Variants in PCCA observed in about 807,000 individuals in gnomAD.
The protein encoded by PCCA is propionyl-CoA carboxylase subunit alpha, also known as propionyl-CoA carboxylase alpha chain, mitochondrial.
PCCA carries 74 observed loss-of-function variants against 101.3 expected under a neutral mutation model. The observed-to-expected ratio is 0.73, with a 90% CI of 0.61 to 0.89. PCCA has a LOEUF of 0.89. Among genes scored for constraint, PCCA ranks in the 40% least tolerant of loss-of-function variants. PCCA has a pLI of 0.00. For synonymous variants in PCCA, 294 were observed against 313.6 expected (o/e 0.94, Z 0.66); for missense variants, 891 against 907.0 (o/e 0.98, Z 0.23).
intron 8 of PCCA, among the ~76,000 whole-genome samples, chr13:100,248,051 A>G (rs574938751): frequency 6.6e-6 from 1 of 151,832 alleles, no homozygotes; most frequent in South Asian, 2.1e-4. Flanking sequence ...TATCTTTTTC[A>G]TCTGCCAGTG....
intron 4 of PCCA, among the ~76,000 whole-genome samples, chr13:100,113,215 G>A (rs1236239082): frequency 2.0e-5 from 3 of 152,158 alleles, no homozygotes; most frequent in Admixed American, 6.5e-5. Context: ...TGTGCAGCAC[G>A]TGACTGTACT....
At chr13:100,210,712 A>G (rs1008779441) in intron 7 of PCCA, among the ~76,000 whole-genome samples, 1 of 151,810 alleles carries the variant, frequency 6.6e-6, no homozygotes, top group Non-Finnish European at 1.5e-5. Flanking sequence ...TAACCTTGCG[A>G]TTTGACTTAG....
chr13:100,500,445 G>T (rs1413009311), intron 21 of PCCA, among the ~76,000 whole-genome samples: 2 of 152,068 alleles, frequency 1.3e-5, no homozygotes, highest in Non-Finnish European at 2.9e-5. Flanking sequence ...AAGTTACCTT[G>T]CTAAATTTTC....
chr13:100,229,669 A>C (rs1295813949), intron 7 of PCCA, among the ~76,000 whole-genome samples: 2 of 152,172 alleles, frequency 1.3e-5, no homozygotes. Context: ...GGACAAATAC[A>C]AAATGTGAGG....
chr13:100,401,305 G>T (rs1283281), intron 19 of PCCA, among the ~76,000 whole-genome samples: 47,300 of 151,934 alleles, frequency 0.31, 7,883 homozygotes, highest in East Asian at 0.58. Context: ...GTGAAGTGGC[G>T]TGATCTTGAC....
chr13:100,099,137 A>G (rs2047033861), intron 1 of PCCA, among the ~76,000 whole-genome samples: 3 of 152,152 alleles, frequency 2.0e-5, no homozygotes, highest in Non-Finnish European at 4.4e-5. Flanking sequence ...AATTTATCTC[A>G]TAATGAGTTA....
At chr13:100,472,102 T>C (rs957987989) in intron 21 of PCCA, among the ~76,000 whole-genome samples, 3 of 152,182 alleles carry the variant, frequency 2.0e-5, no homozygotes, top group Non-Finnish European at 4.4e-5. Context: ...CTGATGGGGC[T>C]GCGTTCCCTA....
intron 21 of PCCA, among the ~76,000 whole-genome samples, chr13:100,507,236 G>A (rs1566478468): frequency 6.6e-6 from 1 of 152,202 alleles, no homozygotes; most frequent in African/African-American, 2.4e-5. Context: ...TTGCCTTTGT[G>A]GAAGTGAAAG....
intron 4 of PCCA, among the ~76,000 whole-genome samples, chr13:100,142,413 T>C (rs1432052802): frequency 1.3e-5 from 2 of 152,102 alleles, no homozygotes; most frequent in East Asian, 3.9e-4. Context: ...TTGTCACAAA[T>C]TTAGTTCCAG....
chr13:100,243,414 T>C (rs1433878375), intron 8 of PCCA, among the ~76,000 whole-genome samples: 1 of 152,030 alleles, frequency 6.6e-6, no homozygotes, highest in African/African-American at 2.4e-5. Flanking sequence ...TTCTCCCTTT[T>C]CCCCCTTAAT....
intron 19 of PCCA, among the ~76,000 whole-genome samples, chr13:100,397,849 C>T (rs959987435): frequency 6.6e-6 from 1 of 152,152 alleles, no homozygotes; most frequent in African/African-American, 2.4e-5. Context: ...TTAAACATAG[C>T]ACAATCTTCT....
At chr13:100,284,774 C>G (rs1306158356) in intron 12 of PCCA, among the ~76,000 whole-genome samples, 1 of 152,214 alleles carries the variant, frequency 6.6e-6, no homozygotes, top group Non-Finnish European at 1.5e-5. Context: ...TTCCTCTTTG[C>G]CTTTGAGGAT....
intron 21 of PCCA, among the ~76,000 whole-genome samples, chr13:100,473,793 GTCTA>G (rs1033327525): frequency 9.8e-5 from 15 of 152,332 alleles, no homozygotes; most frequent in African/African-American, 3.6e-4. Context: ...TATCATCATT[GTCTA>G]TCTTTTGATT....
intron 19 of PCCA, among the ~76,000 whole-genome samples, chr13:100,400,508 T>C (rs1034150004): frequency 3.9e-5 from 6 of 152,128 alleles, no homozygotes; most frequent in Non-Finnish European, 5.9e-5. Flanking sequence ...TTGGGAATTA[T>C]AGTGTTGGGG....
At chr13:100,493,759 G>A (rs1471995065) in intron 21 of PCCA, among the ~76,000 whole-genome samples, 1 of 152,144 alleles carries the variant, frequency 6.6e-6, no homozygotes. Context: ...TTCACAAAAC[G>A]TGATGTGTTT....
At chr13:100,318,105 T>C (rs2067570836) in intron 16 of PCCA, among the ~76,000 whole-genome samples, 1 of 152,210 alleles carries the variant, frequency 6.6e-6, no homozygotes, top group Non-Finnish European at 1.5e-5. Context: ...GATTCTGGAT[T>C]GCATAAATCT....
In PCCA at chr13:100,398,282, C is replaced by G. The variant is rs376285518; in HGVS notation, c.1747-27351C>G. On this transcript the variant is annotated intron_variant, in intron 19 of 23. Coordinates refer to ENST00000376285, the MANE Select transcript of PCCA (RefSeq NM_000282.4). ...CTAAATCAAGTCTTTTAGGTTCAAC[C>G]TATTCCACTGGGTTTTAAATGATCA... Among the ~76,000 whole-genome samples the G allele has an allele frequency of 1.1e-3, 164 of 152,266 alleles. 6 individuals are homozygous for G. The South Asian group carries it at 0.031, about 29-fold the overall frequency.
intron 20 of PCCA, among the ~76,000 whole-genome samples, chr13:100,448,025 G>A (rs1271099010): frequency 1.3e-5 from 2 of 152,148 alleles, no homozygotes; most frequent in Non-Finnish European, 2.9e-5. Context: ...TTGAGTGAAA[G>A]CCACTAATAC....
intron 6 of PCCA, among the ~76,000 whole-genome samples, chr13:100,167,475 TG>T (rs1346713774): frequency 1.3e-5 from 2 of 152,090 alleles, no homozygotes; most frequent in East Asian, 3.9e-4. Flanking sequence ...ACTTGAGCCT[TG>T]GAGTTTGAGG....
Sources: allele counts gnomAD v4.1 joint callset (sites outside exome capture counted in the v4.1 genomes callset), GRCh38; gene constraint gnomAD v4.1.1; transcripts MANE v1.5; gene names NCBI Gene and HGNC (gene_info 2026-07-23, HGNC 2026-07-21).